DNAI4: variants seen among roughly 807,000 people sequenced by gnomAD.
DNAI4 encodes the protein WD repeat domain 78.
Under a neutral mutation model 105.8 loss-of-function variants are expected in DNAI4, and 85 were observed. The ratio of observed to expected loss-of-function variants is 0.80; its 90% CI spans 0.67 to 0.96. The LOEUF (loss-of-function observed/expected upper bound fraction) is 0.96. Among genes scored for constraint, DNAI4 ranks in the 40% least tolerant of loss-of-function variants. The probability of loss-of-function intolerance (pLI) is 0.00; values close to 1 mark genes in which losing one functional copy is unlikely to be tolerated. For synonymous variants in DNAI4, 352 were observed against 331.5 expected (o/e 1.06, Z -0.67); for missense variants, 1,014 against 1,005.6 (o/e 1.01, Z -0.11).
intron 7 of DNAI4, among the ~76,000 whole-genome samples, chr1:66,858,197 A>C (rs1376423776): frequency 6.6e-6 from 1 of 152,092 alleles, no homozygotes; most frequent in Non-Finnish European, 1.5e-5. Flanking sequence ...AAGACATTAT[A>C]AGAAAGGAAA....
Position 66,871,383 on chromosome 1 carries a change from T to A in DNAI4, c.927A>T (p.Ile309=). The change falls in exon 6 of 17, where the codon ATA becomes ATT. Residue 309 remains isoleucine (I), a synonymous_variant. Transcript: ENST00000371026. ...KNKDVQCDKI[I]MEDKGIMSTA... ...GATAGAAATTACCTTTATCTTCCAT[T>A]ATGATTTTATCACATTGAACATCTT... The A allele has an allele frequency of 6.2e-7, 1 of 1,607,690 alleles. No individual in the cohort carries two copies. The highest frequency in any genetic ancestry group is 1.1e-5 in the South Asian group (1 of 89,392).
chr1:66,868,759 C>T (rs113496206), intron 6 of DNAI4, among the ~76,000 whole-genome samples: 13 of 152,060 alleles, frequency 8.5e-5, no homozygotes, highest in Admixed American at 4.6e-4. Flanking sequence ...TGTAATAAAT[C>T]GCTTTATAAA....
intron 5 of DNAI4, among the ~76,000 whole-genome samples, chr1:66,871,778 TGAATA>T (rs1646852369): frequency 6.6e-6 from 1 of 152,224 alleles, no homozygotes; most frequent in South Asian, 2.1e-4. Flanking sequence ...GTTTTAGTTC[TGAATA>T]TTTTTAAATT....
chr1:66,873,942 A>ACTATGTTTT (rs1380846385), intron 5 of DNAI4, among the ~76,000 whole-genome samples: 1 of 135,488 alleles, frequency 7.4e-6, no homozygotes, highest in Admixed American at 8.3e-5. Flanking sequence ...TCTAACATGT[A>ACTATGTTTT]CTATGTTTTA....
At chr1:66,857,452 T>C (rs1449786403) in intron 7 of DNAI4, among the ~76,000 whole-genome samples, 1 of 151,984 alleles carries the variant, frequency 6.6e-6, no homozygotes, top group Non-Finnish European at 1.5e-5. Context: ...AAACTGCACG[T>C]TGTGCACATG....
At chr1:66,859,384 G>A (rs1156809361) in intron 7 of DNAI4, among the ~76,000 whole-genome samples, 1 of 152,150 alleles carries the variant, frequency 6.6e-6, no homozygotes, top group East Asian at 1.9e-4. Flanking sequence ...TTGGAAGACA[G>A]TTGGTAGTTT....
At position 66,905,325 on chromosome 1, in the gene DNAI4, T is replaced by A. The variant is rs770544306; in HGVS notation, c.221A>T (p.Lys74Ile). Residue 74 changes from lysine to isoleucine, a missense_variant, in exon 2 of 17, where the codon AAA becomes ATA. Coordinates refer to ENST00000371026, the MANE Select transcript of DNAI4 (RefSeq NM_024763.5). ...AGTATATCCTTTCACTGAAGTTGCTTTCATTGTAGCAAAAAAGCTAATAGA... is the reference window on the plus strand; with the variant it reads ...AGTATATCCTTTCACTGAAGTTGCTATCATTGTAGCAAAAAAGCTAATAGA... ...KKSISFFATMKATSVKGYTGA... is the reference protein window; with the variant it reads ...KKSISFFATMIATSVKGYTGA... The A allele has an allele frequency of 2.0e-6, 3 of 1,527,450 alleles. No individual in the cohort carries two copies. In the South Asian group the frequency reaches 3.9e-5, roughly 20 times the overall value. 94.6% of individuals were successfully genotyped at this position (1,527,450 alleles called of 1,614,324 possible). A position where few individuals can be genotyped will look rare whatever the true frequency, so the allele number is the denominator to read the frequency against.
chr1:66,857,037 A>G (rs1646516263), intron 7 of DNAI4, among the ~76,000 whole-genome samples: 1 of 152,132 alleles, frequency 6.6e-6, no homozygotes, highest in African/African-American at 2.4e-5. Context: ...ATCAAAAGTT[A>G]GTTCTTTGAA....
chr1:66,827,757 A>G, intron 14 of DNAI4, 55 bp downstream of exon 14: 1 of 1,003,380 alleles, frequency 1.0e-6, no homozygotes, highest in Non-Finnish European at 1.5e-6. Context: ...ATATAATGGT[A>G]CTGTTTTTTC....
At position 66,872,717 on chromosome 1, in the gene DNAI4, CTATT is replaced by C. The variant is rs147486206; in HGVS notation, c.801-1212_801-1209del. 8.6e-5 allele frequency among the ~76,000 whole-genome samples: 13 copies of C among 151,672 alleles called. No homozygotes were observed. In the East Asian group the frequency reaches 2.3e-3, roughly 27 times the overall value. On this transcript the variant is annotated intron_variant, in intron 5 of 16. Coordinates refer to ENST00000371026, the MANE Select transcript of DNAI4 (RefSeq NM_024763.5). ...TTTATATTCCAATGCTCTTATTTATCTATTTATTTATTTATACATAATAATAATA... is the reference window on the plus strand; with the variant it reads ...TTTATATTCCAATGCTCTTATTTATCTATTTATTTATACATAATAATAATA...
At chr1:66,881,693 G>A (rs1018832076) in intron 4 of DNAI4, among the ~76,000 whole-genome samples, 2 of 152,198 alleles carry the variant, frequency 1.3e-5, no homozygotes, top group African/African-American at 2.4e-5. Context: ...ACATTGGACT[G>A]TGGACTTTTG....
Position 66,890,908 on chromosome 1 carries a change from A to G in DNAI4, c.643+246T>C. ...AAGCAGAAGCAGCAGCAGCAACAGC[A>G]GCAGCAGAAGCAGCAGCTGAGCTCT... is the stretch of plus-strand genomic sequence containing the variant. On this transcript the variant is annotated intron_variant, in intron 4 of 16. Coordinates refer to ENST00000371026, the MANE Select transcript of DNAI4 (RefSeq NM_024763.5). This position sits in a 1 kb window ranked among gnomAD's most constrained non-coding sequence, Gnocchi z 4.1. The G allele has an allele frequency of 1.9e-6, 1 of 523,464 alleles. No homozygotes were observed. Among genetic ancestry groups the G allele is most frequent in the Non-Finnish European group, 3.4e-6 (1 of 294,952 alleles). 32.4% of individuals were successfully genotyped at this position (523,464 alleles called of 1,614,324 possible). A position where few individuals can be genotyped will look rare whatever the true frequency, so the allele number is the denominator to read the frequency against.
In DNAI4 at chr1:66,862,289, A is replaced by G; in HGVS notation, c.954T>C (p.Thr318=). The G allele has an allele frequency of 6.2e-7, 1 of 1,607,106 alleles. No homozygotes were observed. The highest frequency in any genetic ancestry group is 1.3e-5 in the African/African-American group (1 of 74,678). ...TGTAAGAATCATACAAATCCCAGGC[A>G]GTGGACATTATGCCTAGATAAAGAC... The part of the protein sequence containing the change: ...IIMEDKGIMS[T]AWDLYDSYNA... Residue 318 remains threonine (T), a synonymous_variant, in exon 7 of 17, where the codon ACT becomes ACC. Coordinates refer to ENST00000371026, the MANE Select transcript of DNAI4 (RefSeq NM_024763.5).
chr1:66,837,685 T>A, intron 10 of DNAI4, 25 bp downstream of exon 10: 1 of 1,590,720 alleles, frequency 6.3e-7, no homozygotes, highest in Non-Finnish European at 8.6e-7. Context: ...CAGATAAAAA[T>A]GCTTCTTATT....
chr1:66,858,226 A>C (rs929612264), intron 7 of DNAI4, among the ~76,000 whole-genome samples: 1 of 151,954 alleles, frequency 6.6e-6, no homozygotes, highest in African/African-American at 2.4e-5. Context: ...ACAATATCTC[A>C]CATGAAAGTA....
intron 1 of DNAI4, among the ~76,000 whole-genome samples, chr1:66,915,837 C>A (rs1161939106): frequency 4.6e-5 from 7 of 151,858 alleles, no homozygotes; most frequent in Admixed American, 3.3e-4. Context: ...GAAAAAAAAT[C>A]TTTGGTCAAG....
chr1:66,842,773 A>G (rs946476144), intron 8 of DNAI4, among the ~76,000 whole-genome samples: 1 of 152,208 alleles, frequency 6.6e-6, no homozygotes. Flanking sequence ...TCCCATCAGC[A>G]TGAATAAGAC....
intron 3 of DNAI4, among the ~76,000 whole-genome samples, chr1:66,892,959 A>AAGAG (rs1647814841): frequency 2.6e-5 from 3 of 113,210 alleles, no homozygotes; most frequent in African/African-American, 1.2e-4. Context: ...AGAAGAAAGA[A>AAGAG]AGAAAGAAAG....
chr1:66,897,910 A>AG (rs1648465323), intron 2 of DNAI4, among the ~76,000 whole-genome samples: 1 of 152,162 alleles, frequency 6.6e-6, no homozygotes, highest in Non-Finnish European at 1.5e-5. Context: ...CCTAGTGGAG[A>AG]CATGGGAGCA....
Sources: gnomAD v4.1 joint callset for allele counts (sites outside exome capture counted in the v4.1 genomes callset) on GRCh38, gnomAD v4.1.1 for gene constraint, Gnocchi (gnomAD v3.1) non-coding constraint, MANE v1.5 for transcripts, NCBI Gene and HGNC (gene_info 2026-07-23, HGNC 2026-07-21) for gene names.